RABGAP1L: variants seen among roughly 807,000 people sequenced by gnomAD.
RABGAP1L encodes rab GTPase-activating protein 1-like.
In RABGAP1L, 63 loss-of-function variants were observed where a neutral mutation model predicts 137.7. That is an observed-to-expected ratio of 0.46 (90% confidence interval 0.37 to 0.56). RABGAP1L has a LOEUF of 0.56. RABGAP1L is among the 20% of genes least tolerant of loss of function. The pLI is 0.00. For synonymous variants in RABGAP1L, 431 were observed against 433.7 expected (o/e 0.99, Z 0.08); for missense variants, 1,095 against 1,244.0 (o/e 0.88, Z 1.80).
intron 15 of RABGAP1L, 46 bp from the exon 16 acceptor site, chr1:174,699,479 C>A: frequency 6.4e-7 from 1 of 1,556,910 alleles, no homozygotes; most frequent in Non-Finnish European, 8.7e-7. Flanking sequence ...GACATTCTGG[C>A]AAAATGCCAC....
chr1:174,445,043 C>T (rs1467938841), intron 13 of RABGAP1L, among the ~76,000 whole-genome samples: 2 of 152,044 alleles, frequency 1.3e-5, no homozygotes, highest in African/African-American at 4.8e-5. Flanking sequence ...ATGATACCTA[C>T]TTCATAGAGT....
At chr1:174,308,520 C>A (rs2148785845) in intron 11 of RABGAP1L, among the ~76,000 whole-genome samples, 1 of 152,026 alleles carries the variant, frequency 6.6e-6, no homozygotes, top group Non-Finnish European at 1.5e-5. Context: ...GTCTTTAATC[C>A]ATTTTTAGTT....
At chr1:174,820,691 C>G (rs373072140) in intron 19 of RABGAP1L, among the ~76,000 whole-genome samples, 30 of 152,074 alleles carry the variant, frequency 2.0e-4, no homozygotes, top group African/African-American at 6.8e-4. Flanking sequence ...ATCTTTTTCT[C>G]AAAAATTCAT....
chr1:174,900,258 T>A (rs1657918327), intron 19 of RABGAP1L, among the ~76,000 whole-genome samples: 1 of 152,176 alleles, frequency 6.6e-6, no homozygotes, highest in Non-Finnish European at 1.5e-5. Flanking sequence ...AAAACAAAAG[T>A]ACACTCCACA....
At chr1:174,790,020 C>T (rs1413379387) in intron 18 of RABGAP1L, among the ~76,000 whole-genome samples, 1 of 151,776 alleles carries the variant, frequency 6.6e-6, no homozygotes, top group Non-Finnish European at 1.5e-5. Context: ...CCAGCCTGGC[C>T]AACATAGTGA....
chr1:174,800,077 A>T, intron 18 of RABGAP1L: 1 of 1,286,248 alleles, frequency 7.8e-7, no homozygotes, highest in Non-Finnish European at 9.9e-7. Context: ...ATTTTCTCGC[A>T]TTCGATTGCT....
chr1:174,239,633 A>G (rs1043024381), intron 4 of RABGAP1L, among the ~76,000 whole-genome samples: 2 of 151,640 alleles, frequency 1.3e-5, no homozygotes, highest in Non-Finnish European at 2.9e-5. Flanking sequence ...GGTTTATTGG[A>G]TATCTTCCTC....
intron 18 of RABGAP1L, among the ~76,000 whole-genome samples, chr1:174,768,886 A>G (rs1341546486): frequency 6.6e-6 from 1 of 152,234 alleles, no homozygotes; most frequent in African/African-American, 2.4e-5. Context: ...GCAGACCTGT[A>G]CAGATTCACT....
intron 13 of RABGAP1L, among the ~76,000 whole-genome samples, chr1:174,479,907 A>T (rs1233746092): frequency 6.6e-6 from 1 of 152,174 alleles, no homozygotes; most frequent in Non-Finnish European, 1.5e-5. Context: ...TCTCAGAAAC[A>T]TCTATATCTT....
intron 13 of RABGAP1L, among the ~76,000 whole-genome samples, chr1:174,628,920 C>G (rs1020950771): frequency 6.6e-6 from 1 of 151,986 alleles, no homozygotes; most frequent in African/African-American, 2.4e-5. Context: ...ATGTTTTCAG[C>G]CATATAAAAA....
At position 174,651,479 on chromosome 1, in the gene RABGAP1L, G is replaced by T. The variant is rs904809165; in HGVS notation, c.1824+13991G>T. On this transcript the variant is annotated intron_variant, in intron 14 of 25. Transcript: ENST00000681986. ...TATTGTGTGGGAGTCTAAGTCTCTTGGTAGGTCACTCAGGACTTGCTTTAT... is the reference window on the plus strand; with the variant it reads ...TATTGTGTGGGAGTCTAAGTCTCTTTGTAGGTCACTCAGGACTTGCTTTAT... Among the ~76,000 whole-genome samples, 181 of 152,106 alleles carry T rather than the reference G, an allele frequency of 1.2e-3. 2 individuals carry two copies. The highest frequency in any genetic ancestry group is 1.4e-3 in the Non-Finnish European group (97 of 67,964).
chr1:174,525,169 ACT>A (rs1663766797), intron 13 of RABGAP1L, among the ~76,000 whole-genome samples: 1 of 151,674 alleles, frequency 6.6e-6, no homozygotes, highest in Non-Finnish European at 1.5e-5. Context: ...CTTTTTACTA[ACT>A]CTGTGAAAAA....
At chr1:174,734,956 T>C (rs796279349) in intron 17 of RABGAP1L, among the ~76,000 whole-genome samples, 71 of 134,052 alleles carry the variant, frequency 5.3e-4, no homozygotes, top group South Asian at 1.4e-3. Flanking sequence ...ATCTCTCTCT[T>C]TTTTTTTTTT....
At chr1:174,677,633 C>T (rs1294492210) in intron 14 of RABGAP1L, among the ~76,000 whole-genome samples, 1 of 152,164 alleles carries the variant, frequency 6.6e-6, no homozygotes, top group African/African-American at 2.4e-5. Flanking sequence ...TTGGAATTGC[C>T]TAGATCTTCA....
chr1:174,680,750 C>T lies in RABGAP1L; in HGVS notation c.1825-2772C>T, dbSNP rs528885371. On this transcript the variant is annotated intron_variant, in intron 14 of 25. Transcript: ENST00000681986. ...CTACTAAAAATAGAAAAAAACTTAG[C>T]TGGGTGTGGTGGGGCAGCCTGTAGT... 3.9e-5 allele frequency among the ~76,000 whole-genome samples: 6 copies of T among 152,032 alleles called. No individual in the cohort carries two copies. The South Asian group carries it at 1.0e-3, about 26-fold the overall frequency.
chr1:174,440,419 G>A (rs1653990028), intron 13 of RABGAP1L, among the ~76,000 whole-genome samples: 1 of 152,214 alleles, frequency 6.6e-6, no homozygotes, highest in South Asian at 2.1e-4. Flanking sequence ...ACAAGATGAT[G>A]CTGGTTTGCT....
intron 13 of RABGAP1L, among the ~76,000 whole-genome samples, chr1:174,563,145 TTAC>T (rs1166691618): frequency 6.6e-6 from 1 of 152,212 alleles, no homozygotes; most frequent in African/African-American, 2.4e-5. Context: ...ATCTGGCTCT[TTAC>T]CACAAAAGTT....
rs148825202 is a variant in RABGAP1L at position 174,920,261 on chromosome 1, A to C, written c.2341-37196A>C. ...AAGTCACAGTTCTACCTGGCTGGGG[A>C]AGCCTCACAATCGTGGCAGAAGGCA... On this transcript the variant is annotated intron_variant, in intron 19 of 25. Coordinates refer to ENST00000681986, the MANE Select transcript of RABGAP1L (RefSeq NM_001366446.1). Among the ~76,000 whole-genome samples, 40 of 152,322 alleles carry C rather than the reference A, an allele frequency of 2.6e-4. No homozygotes were observed. In the East Asian group the frequency reaches 5.4e-3, roughly 21 times the overall value.
chr1:174,757,960 T>G lies in RABGAP1L; in HGVS notation c.2211+5606T>G, dbSNP rs535603117. Reference sequence around the variant, plus strand: ...ATCGCTTGAACCCGGGAGGCAGAGTTTGCAGTGAGCCAAGATTGCACCATT... The same window carrying G: ...ATCGCTTGAACCCGGGAGGCAGAGTGTGCAGTGAGCCAAGATTGCACCATT... On this transcript the variant is annotated intron_variant, in intron 18 of 25. Transcript: ENST00000681986. Among the ~76,000 whole-genome samples, 17 of 151,660 alleles carry G rather than the reference T, an allele frequency of 1.1e-4. 1 individual carries two copies. The highest frequency in any genetic ancestry group is 9.2e-4 in the Admixed American group (14 of 15,176).
Sources: gnomAD v4.1 joint callset for allele counts (sites outside exome capture counted in the v4.1 genomes callset) on GRCh38, gnomAD v4.1.1 for gene constraint, MANE v1.5 for transcripts, NCBI Gene and HGNC (gene_info 2026-07-23, HGNC 2026-07-21) for gene names.